The following MUC7 variants were observed in gnomAD, a reference collection of about 807,000 sequenced individuals.
MUC7 encodes mucin-7.
In MUC7, 2 loss-of-function variants were observed where a neutral mutation model predicts 2.5. The ratio of observed to expected loss-of-function variants is 0.81; its 90% CI spans 0.33 to 2.55. MUC7 has a LOEUF of 2.55. Ranked by LOEUF, MUC7 falls within the 30% of genes most tolerant of loss-of-function variation. The pLI, the probability that MUC7 is intolerant of heterozygous loss-of-function variation, is 0.11. For synonymous variants in MUC7, 133 were observed against 173.4 expected (o/e 0.77, Z 1.83); for missense variants, 408 against 455.6 (o/e 0.90, Z 0.95).
intron 1 of MUC7, among the ~76,000 whole-genome samples, chr4:70,460,790 G>T (rs1207973659): frequency 6.6e-6 from 1 of 152,142 alleles, no homozygotes; most frequent in Non-Finnish European, 1.5e-5. Context: ...AGGTTTCTGG[G>T]ATGTTGTCAT....
chr4:70,445,514 A>G (rs1734109395), intron 1 of MUC7, among the ~76,000 whole-genome samples: 1 of 152,180 alleles, frequency 6.6e-6, no homozygotes, highest in Non-Finnish European at 1.5e-5. Flanking sequence ...TCATGTTTCA[A>G]AATCTCTCCC....
At chr4:70,472,596 A>G (rs1195082588) in intron 1 of MUC7, among the ~76,000 whole-genome samples, 1 of 152,210 alleles carries the variant, frequency 6.6e-6, no homozygotes, top group Non-Finnish European at 1.5e-5. Flanking sequence ...TAGTACTATA[A>G]TAATACCACT....
chr4:70,440,788 C>T lies in MUC7; in HGVS notation c.-93+10101C>T, dbSNP rs1165235003. ...GACAGAAAAATAGAAAGAATAAAAACAAAATAGAGGAAAAAGGGAGGGAAA... is the reference window on the plus strand; with the variant it reads ...GACAGAAAAATAGAAAGAATAAAAATAAAATAGAGGAAAAAGGGAGGGAAA... On this transcript the variant is annotated intron_variant, in intron 1 of 3. Transcript: ENST00000413702. Among the ~76,000 whole-genome samples, 5 of 151,266 alleles carry T rather than the reference C, an allele frequency of 3.3e-5. No individual in the cohort carries two copies. In the East Asian group the frequency reaches 9.7e-4, roughly 29 times the overall value.
At chr4:70,442,153 T>C (rs1347766477) in intron 1 of MUC7, among the ~76,000 whole-genome samples, 6 of 152,210 alleles carry the variant, frequency 3.9e-5, no homozygotes, top group Non-Finnish European at 1.5e-5. Flanking sequence ...TGGTAAACAC[T>C]ATATTTTCTA....
At chr4:70,443,770 A>C (rs1325756123) in intron 1 of MUC7, among the ~76,000 whole-genome samples, 1 of 152,150 alleles carries the variant, frequency 6.6e-6, no homozygotes, top group Non-Finnish European at 1.5e-5. Flanking sequence ...ACACAAAACA[A>C]CAATATCAGA....
intron 1 of MUC7, among the ~76,000 whole-genome samples, chr4:70,459,840 C>T (rs184483348): frequency 6.6e-6 from 1 of 152,138 alleles, no homozygotes; most frequent in Admixed American, 6.5e-5. Context: ...CCACAGTTAC[C>T]CTGACATAAA....
intron 1 of MUC7, among the ~76,000 whole-genome samples, chr4:70,473,554 C>T (rs1429837126): frequency 6.6e-6 from 1 of 152,124 alleles, no homozygotes; most frequent in Admixed American, 6.5e-5. Flanking sequence ...AAGTGACAGC[C>T]TTATAGCACA....
intron 1 of MUC7, among the ~76,000 whole-genome samples, chr4:70,455,822 T>C (rs946387105): frequency 6.6e-6 from 1 of 152,098 alleles, no homozygotes; most frequent in Non-Finnish European, 1.5e-5. Flanking sequence ...AGCAGTGCCT[T>C]ATATTTCCAG....
intron 2 of MUC7, among the ~76,000 whole-genome samples, chr4:70,479,469 G>A (rs1168966753): frequency 6.6e-6 from 1 of 152,136 alleles, no homozygotes; most frequent in Non-Finnish European, 1.5e-5. Flanking sequence ...ACTTGCGACT[G>A]GAATGATTTA....
chr4:70,436,563 T>C (rs1416955183), intron 1 of MUC7, among the ~76,000 whole-genome samples: 2 of 152,288 alleles, frequency 1.3e-5, no homozygotes, highest in East Asian at 3.9e-4. Context: ...GTCATTCTCT[T>C]CTCTACACTT....
At position 70,454,139 on chromosome 4, in the gene MUC7, G is replaced by A. The variant is rs531556164; in HGVS notation, c.-92-18076G>A. On this transcript the variant is annotated intron_variant, in intron 1 of 3. Coordinates refer to the MUC7 transcript ENST00000413702. ...GAAGGGTGGCACAGGCTCTCCATTA[G>A]CCACCCTGGCTGGTCTCTCCCTAGG... Among the ~76,000 whole-genome samples the A allele has an allele frequency of 4.6e-5, 7 of 152,192 alleles. No individual in the cohort carries two copies. The East Asian group carries it at 1.4e-3, about 30-fold the overall frequency.
chr4:70,478,893 A>G (rs916114285), intron 2 of MUC7, among the ~76,000 whole-genome samples: 3 of 152,234 alleles, frequency 2.0e-5, no homozygotes, highest in African/African-American at 7.2e-5. Flanking sequence ...CCCTTTTAAG[A>G]GAGATTTATG....
At position 70,443,974 on chromosome 4, in the gene MUC7, C is replaced by T. The variant is rs577976658; in HGVS notation, c.-93+13287C>T. ...GTTCTTTCTTGTAAGCCCAAATCCA[C>T]TGGACATCAACATCTTCCAGTTTCA... On this transcript the variant is annotated intron_variant, in intron 1 of 3. Coordinates refer to the MUC7 transcript ENST00000413702. 2.0e-5 allele frequency among the ~76,000 whole-genome samples: 3 copies of T among 152,314 alleles called. No individual in the cohort carries two copies. In the South Asian group the frequency reaches 6.2e-4, roughly 32 times the overall value.
chr4:70,432,805 A>G (rs1733714431), intron 1 of MUC7, among the ~76,000 whole-genome samples: 4 of 152,160 alleles, frequency 2.6e-5, no homozygotes, highest in Admixed American at 2.6e-4. Flanking sequence ...GTCCTTGCCC[A>G]TGTCTATGTC....
chr4:70,469,282 A>G (rs908339018), upstream of MUC7, among the ~76,000 whole-genome samples: 2 of 152,150 alleles, frequency 1.3e-5, no homozygotes, highest in Non-Finnish European at 2.9e-5. Context: ...ACTTAAATGT[A>G]AGACCTAAAA....
chr4:70,473,978 A>G, intron 1 of MUC7, 29 bp from the exon 2 acceptor site: 2 of 1,521,094 alleles, frequency 1.3e-6, no homozygotes, highest in South Asian at 1.1e-5. Context: ...ATCATAACTA[A>G]TAGTACGCCA....
chr4:70,444,356 C>G (rs149519574), intron 1 of MUC7, among the ~76,000 whole-genome samples: 8 of 152,330 alleles, frequency 5.3e-5, no homozygotes, highest in African/African-American at 1.9e-4. Flanking sequence ...GGCCACAACA[C>G]CCGTGGTCAC....
intron 2 of MUC7, among the ~76,000 whole-genome samples, chr4:70,475,325 G>A (rs1414899396): frequency 6.6e-6 from 1 of 152,040 alleles, no homozygotes; most frequent in Non-Finnish European, 1.5e-5. Context: ...CTAGTTTGGG[G>A]CATGTTACAT....
chr4:70,438,737 C>T (rs540590709), intron 1 of MUC7, among the ~76,000 whole-genome samples: 2 of 152,232 alleles, frequency 1.3e-5, no homozygotes, highest in East Asian at 3.9e-4. Flanking sequence ...GGATTACAGG[C>T]ATGAGCCACC....
Sources: allele counts gnomAD v4.1 joint callset (sites outside exome capture counted in the v4.1 genomes callset), GRCh38; gene constraint gnomAD v4.1.1; transcripts MANE v1.5; gene names NCBI Gene and HGNC (gene_info 2026-07-23, HGNC 2026-07-21).